KCNG3: variants seen among roughly 807,000 people sequenced by gnomAD.
KCNG3 encodes voltage-gated potassium channel regulatory subunit KCNG3.
KCNG3 carries 15 observed loss-of-function variants against 29.0 expected under a neutral mutation model. The observed-to-expected ratio is 0.52, with a 90% CI of 0.35 to 0.80. The LOEUF is 0.80. Ranked by LOEUF, KCNG3 falls within the 30% of genes least tolerant of loss-of-function variation. The probability of loss-of-function intolerance (pLI) is 0.01; values close to 1 mark genes in which losing one functional copy is unlikely to be tolerated. For missense variants in KCNG3, 512 were observed against 605.7 expected, an observed-to-expected ratio of 0.85 and a Z score of 1.62; for synonymous variants, 322 against 248.9, an observed-to-expected ratio of 1.29 and a Z score of -2.76.
the KCNG3 span, among the ~76,000 whole-genome samples, chr2:42,397,993 G>T: frequency 6.6e-6 from 1 of 152,102 alleles, no homozygotes; most frequent in Non-Finnish European, 1.5e-5. Flanking sequence ...GGAGGCCGAG[G>T]CAGGCAGAGC....
chr2:42,447,033 A>G (rs1672613875), intron 1 of KCNG3, among the ~76,000 whole-genome samples: 1 of 150,500 alleles, frequency 6.6e-6, no homozygotes, highest in Non-Finnish European at 1.5e-5. Context: ...GCAGTGAGCC[A>G]TGATCACACC....
rs541081424 is a variant in KCNG3, at chr2:42,471,806, C to T, written c.665+21031G>A. On this transcript the variant is annotated intron_variant, in intron 1 of 1. Transcript: ENST00000306078. ...GGCAGAGGCAGGAGAACTGCTCTAG[C>T]CCAGGAGGTTGAGGCTGTAGTGAGC... 2.5e-4 allele frequency among the ~76,000 whole-genome samples: 38 copies of T among 150,854 alleles called. No homozygotes were observed. The South Asian group carries it at 7.8e-3, about 31-fold the overall frequency.
intron 1 of KCNG3, among the ~76,000 whole-genome samples, chr2:42,448,797 G>A (rs1285168120): frequency 6.6e-6 from 1 of 152,106 alleles, no homozygotes; most frequent in Non-Finnish European, 1.5e-5. Flanking sequence ...AGACCACAGT[G>A]AAACCCCGTT....
rs1672528812 is a variant in KCNG3 at position 42,443,380 on chromosome 2, G to T, written c.*554C>A. 6.6e-6 allele frequency: 1 copy of T among 152,600 alleles called. No individual in the cohort carries two copies. Among genetic ancestry groups the T allele is most frequent in the African/African-American group, 2.4e-5 (1 of 41,458 alleles). The allele number at this position is 152,600 out of a possible 1,614,324, so 9.5% of individuals were successfully genotyped here. A position where few individuals can be genotyped will look rare whatever the true frequency, so the allele number is the denominator to read the frequency against. On this transcript the variant is annotated 3_prime_UTR_variant, in exon 2 of 2. Coordinates refer to ENST00000306078, the MANE Select transcript of KCNG3 (RefSeq NM_133329.6). The stretch of plus-strand genomic sequence containing the variant: ...AAGAATTGAGAAGTATGCTGGAAAA[G>T]TCTTTCAAATACTATTCTTGCTTGT...
downstream of KCNG3, among the ~76,000 whole-genome samples, chr2:42,438,683 C>T (rs1672418155): frequency 6.6e-6 from 1 of 152,122 alleles, no homozygotes; most frequent in Non-Finnish European, 1.5e-5. Flanking sequence ...TCAAAAGCTC[C>T]AGTACTTACT....
chr2:42,416,501 A>C, the KCNG3 span, among the ~76,000 whole-genome samples: 1 of 152,122 alleles, frequency 6.6e-6, no homozygotes, highest in African/African-American at 2.4e-5. Flanking sequence ...AAGACAAAAT[A>C]ACCAGATTTT....
At chr2:42,420,201 G>C in the KCNG3 span, among the ~76,000 whole-genome samples, 1 of 152,072 alleles carries the variant, frequency 6.6e-6, no homozygotes, top group African/African-American at 2.4e-5. Context: ...TCCAGTCTGG[G>C]TGACGAGTGA....
At chr2:42,394,394 G>A in the KCNG3 span, among the ~76,000 whole-genome samples, 2 of 152,194 alleles carry the variant, frequency 1.3e-5, no homozygotes, top group African/African-American at 4.8e-5. Context: ...CCACAGGGGA[G>A]TTTTCATCAG....
intron 1 of KCNG3, among the ~76,000 whole-genome samples, chr2:42,475,536 G>A (rs1673403147): frequency 6.6e-6 from 1 of 151,156 alleles, no homozygotes; most frequent in Non-Finnish European, 1.5e-5. Context: ...CGCCATGTTG[G>A]CCAAGCTGGT....
At chr2:42,469,888 T>G (rs950114776) in intron 1 of KCNG3, 2 of 271,628 alleles carry the variant, frequency 7.4e-6, no homozygotes, top group African/African-American at 4.5e-5. Flanking sequence ...GCATCACCAC[T>G]TGGCTGAAGT....
the KCNG3 span, among the ~76,000 whole-genome samples, chr2:42,412,568 C>T: frequency 6.6e-6 from 1 of 152,008 alleles, no homozygotes; most frequent in Non-Finnish European, 1.5e-5. Flanking sequence ...TATTTTAACG[C>T]TTTTATTGGA....
intron 1 of KCNG3, among the ~76,000 whole-genome samples, chr2:42,472,746 C>T (rs1296946372): frequency 2.0e-5 from 3 of 151,500 alleles, no homozygotes; most frequent in Admixed American, 6.6e-5. Flanking sequence ...GTGATATACC[C>T]GCCTCGGCCT....
rs576300800 is a variant in KCNG3, at chr2:42,493,513, C to G, written c.-12G>C. 7 of 1,354,438 alleles carry G rather than the reference C, an allele frequency of 5.2e-6. No individual in the cohort carries two copies. The African/African-American group carries it at 1.1e-4, about 21-fold the overall frequency. 83.9% of individuals were successfully genotyped at this position (1,354,438 alleles called of 1,614,324 possible). A position where few individuals can be genotyped will look rare whatever the true frequency, so the allele number is the denominator to read the frequency against. ...CGCCCGAAGGTCATGGCTGGCCGCCCGGGGGACTTTCGGCCCGAGGGCCCC... is the reference window on the plus strand; with the variant it reads ...CGCCCGAAGGTCATGGCTGGCCGCCGGGGGGACTTTCGGCCCGAGGGCCCC... On this transcript the variant is annotated 5_prime_UTR_variant, in exon 1 of 2. Coordinates refer to ENST00000306078, the MANE Select transcript of KCNG3 (RefSeq NM_133329.6).
At chr2:42,469,318 G>C (rs1406243473) in intron 1 of KCNG3, among the ~76,000 whole-genome samples, 1 of 151,360 alleles carries the variant, frequency 6.6e-6, no homozygotes, top group South Asian at 2.1e-4. Flanking sequence ...TCAGGAGGCC[G>C]AGGCAGAAGA....
the KCNG3 span, among the ~76,000 whole-genome samples, chr2:42,430,705 C>T: frequency 2.0e-5 from 3 of 152,118 alleles, no homozygotes; most frequent in African/African-American, 4.8e-5. Context: ...TACAATGAGA[C>T]ATCATGCTGC....
intron 1 of KCNG3, among the ~76,000 whole-genome samples, chr2:42,487,366 A>G (rs1377587534): frequency 8.4e-5 from 10 of 119,052 alleles, no homozygotes; most frequent in African/African-American, 3.2e-4. Context: ...TTTTTTTGAG[A>G]TGGAGTCTTG....
chr2:42,454,646 A>C (rs971256299), intron 1 of KCNG3, among the ~76,000 whole-genome samples: 6 of 152,050 alleles, frequency 3.9e-5, no homozygotes, highest in African/African-American at 1.4e-4. Flanking sequence ...AGGGAGGCAG[A>C]GGTTGCAGTG....
chr2:42,482,014 G>T (rs896910279), intron 1 of KCNG3, among the ~76,000 whole-genome samples: 1 of 152,050 alleles, frequency 6.6e-6, no homozygotes, highest in Non-Finnish European at 1.5e-5. Context: ...TTTTGAGATG[G>T]GATCTCACTA....
At chr2:42,396,394 T>C in the KCNG3 span, among the ~76,000 whole-genome samples, 1 of 152,180 alleles carries the variant, frequency 6.6e-6, no homozygotes, top group Non-Finnish European at 1.5e-5. Flanking sequence ...TGGGGAAGTA[T>C]TGGGATTTCA....
Sources: gnomAD v4.1 joint callset for allele counts (sites outside exome capture counted in the v4.1 genomes callset) on GRCh38, gnomAD v4.1.1 for gene constraint, MANE v1.5 for transcripts, NCBI Gene and HGNC (gene_info 2026-07-23, HGNC 2026-07-21) for gene names.